SNTG1: variants seen among roughly 807,000 people sequenced by gnomAD.
SNTG1 encodes syntrophin gamma 1, also known as gamma-1-syntrophin.
Under a neutral mutation model 74.7 loss-of-function variants are expected in SNTG1, and 39 were observed. The observed-to-expected ratio is 0.52, with a 90% confidence interval of 0.40 to 0.68. The LOEUF (loss-of-function observed/expected upper bound fraction) is 0.68. Ranked by LOEUF, SNTG1 falls within the 30% of genes least tolerant of loss-of-function variation. SNTG1 has a pLI of 0.00. For missense variants in SNTG1, 685 were observed against 609.5 expected (o/e 1.12, Z -1.30); for synonymous variants, 254 against 217.1 (o/e 1.17, Z -1.49).
At chr8:50,437,126 G>A (rs2093312236) in intron 4 of SNTG1, among the ~76,000 whole-genome samples, 2 of 152,032 alleles carry the variant, frequency 1.3e-5, no homozygotes, top group Admixed American at 1.3e-4. Context: ...GATTATAAGA[G>A]TAACATAAGT....
At chr8:50,570,226 T>TTTTTA (rs1175368970) in intron 12 of SNTG1, among the ~76,000 whole-genome samples, 1,478 of 46,842 alleles carry the variant, frequency 0.032, 194 homozygotes, top group South Asian at 0.056. Context: ...GGTGGTTCTA[T>TTTTTA]TTTTATTTTA....
intron 1 of SNTG1, among the ~76,000 whole-genome samples, chr8:49,988,346 A>G (rs1813367593): frequency 6.6e-6 from 1 of 152,230 alleles, no homozygotes; most frequent in South Asian, 2.1e-4. Flanking sequence ...GATTTAGCAG[A>G]AGACTTCAAA....
intron 1 of SNTG1, among the ~76,000 whole-genome samples, chr8:49,991,257 A>G (rs1342385979): frequency 1.3e-5 from 2 of 152,098 alleles, no homozygotes; most frequent in East Asian, 3.9e-4. Context: ...TTTCATATAC[A>G]CTAGGATGCC....
chr8:50,641,170 T>C (rs1489325310), intron 13 of SNTG1, among the ~76,000 whole-genome samples: 1 of 152,180 alleles, frequency 6.6e-6, no homozygotes, highest in African/African-American at 2.4e-5. Context: ...ATCACTGACC[T>C]GAAGTACACG....
chr8:50,783,074 A>G (rs1355063392), intron 18 of SNTG1, among the ~76,000 whole-genome samples: 1 of 152,102 alleles, frequency 6.6e-6, no homozygotes, highest in Non-Finnish European at 1.5e-5. Context: ...GTTTTGTCTC[A>G]GAGGAGTACC....
chr8:50,377,704 T>C (rs2092412557), intron 2 of SNTG1, among the ~76,000 whole-genome samples: 1 of 152,180 alleles, frequency 6.6e-6, no homozygotes, highest in Non-Finnish European at 1.5e-5. Context: ...ACCTAAAGAA[T>C]TGACATAATT....
chr8:50,701,767 T>TTTC (rs2095426421), intron 15 of SNTG1, among the ~76,000 whole-genome samples: 1 of 150,040 alleles, frequency 6.7e-6, no homozygotes, highest in Non-Finnish European at 1.5e-5. Context: ...CTTCTTCTTC[T>TTTC]TCTTCTTTCT....
In SNTG1 at chr8:50,038,522, C is replaced by T. The variant is rs574128114; in HGVS notation, c.-103+126291C>T. 1.1e-3 allele frequency among the ~76,000 whole-genome samples: 165 copies of T among 152,244 alleles called. 3 individuals are homozygous for T. Among genetic ancestry groups the T allele is most frequent in the South Asian group, 7.3e-3 (35 of 4,824 alleles). On this transcript the variant is annotated intron_variant, in intron 1 of 18. Coordinates refer to ENST00000642720, the MANE Select transcript of SNTG1 (RefSeq NM_018967.5). ...GTCAAAGGTATTACTATATTGCATT[C>T]CTTTTATATTACTCTCATGGCAGGC...
chr8:50,644,982 G>A (rs994157185), intron 13 of SNTG1, among the ~76,000 whole-genome samples: 3 of 149,174 alleles, frequency 2.0e-5, no homozygotes, highest in Non-Finnish European at 4.4e-5. Flanking sequence ...TCTTAAACGC[G>A]TAGGCTCAAG....
At chr8:50,632,862 A>G (rs1351459436) in intron 13 of SNTG1, among the ~76,000 whole-genome samples, 2 of 152,168 alleles carry the variant, frequency 1.3e-5, no homozygotes, top group Non-Finnish European at 1.5e-5. Context: ...CAGCTGTGCC[A>G]TAATTAATAA....
In SNTG1 at chr8:49,951,873, C is replaced by CAAAAAAAAAAAA. The variant is rs5891338; in HGVS notation, c.-103+39662_-103+39673dup. Among the ~76,000 whole-genome samples, 86 of 56,296 alleles carry CAAAAAAAAAAAA rather than the reference C, an allele frequency of 1.5e-3. 1 individual carries two copies. Among genetic ancestry groups the CAAAAAAAAAAAA allele is most frequent in the Non-Finnish European group, 1.8e-3 (53 of 30,106 alleles). 36.9% of individuals were successfully genotyped at this position (56,296 alleles called of 152,430 possible). ...AACAGAAGGAAATCTGGAAAATTCA[C>CAAAAAAAAAAAA]AAAAAAAAAAAAAAAAAAAAAAAAA... is the stretch of plus-strand genomic sequence containing the variant. On this transcript the variant is annotated intron_variant, in intron 1 of 18. Coordinates refer to ENST00000642720, the MANE Select transcript of SNTG1 (RefSeq NM_018967.5).
At chr8:50,012,027 A>G (rs912641945) in intron 1 of SNTG1, among the ~76,000 whole-genome samples, 8 of 152,196 alleles carry the variant, frequency 5.3e-5, no homozygotes, top group Admixed American at 2.0e-4. Flanking sequence ...GGTAGAGTGA[A>G]TTCAGCTTTT....
chr8:50,277,810 G>T (rs945867140), intron 2 of SNTG1, among the ~76,000 whole-genome samples: 2 of 152,094 alleles, frequency 1.3e-5, no homozygotes, highest in African/African-American at 2.4e-5. Context: ...TTATTTACAT[G>T]TACTCATTAT....
intron 1 of SNTG1, among the ~76,000 whole-genome samples, chr8:49,976,897 G>T (rs1812244995): frequency 1.3e-5 from 2 of 152,190 alleles, no homozygotes; most frequent in African/African-American, 4.8e-5. Flanking sequence ...GCTACTATGT[G>T]CAGAAACGAA....
intron 13 of SNTG1, among the ~76,000 whole-genome samples, chr8:50,651,310 T>C (rs1318805401): frequency 6.6e-6 from 1 of 152,078 alleles, no homozygotes; most frequent in African/African-American, 2.4e-5. Context: ...AAATTCTTGA[T>C]CTAGATTCCT....
chr8:50,395,611 C>G (rs1352231764), intron 3 of SNTG1, among the ~76,000 whole-genome samples: 1 of 150,932 alleles, frequency 6.6e-6, no homozygotes, highest in Non-Finnish European at 1.5e-5. Flanking sequence ...TCATGCCATT[C>G]TCCAGCCTCA....
chr8:50,331,004 T>C (rs1358774482), intron 2 of SNTG1, among the ~76,000 whole-genome samples: 2 of 152,034 alleles, frequency 1.3e-5, no homozygotes, highest in African/African-American at 4.8e-5. Context: ...GATATAATTC[T>C]TTTTTTTGCT....
intron 11 of SNTG1, among the ~76,000 whole-genome samples, chr8:50,548,015 C>T (rs2094400013): frequency 1.3e-5 from 2 of 152,160 alleles, no homozygotes. Flanking sequence ...ATATGTAATA[C>T]CTGCTCCTGT....
intron 13 of SNTG1, among the ~76,000 whole-genome samples, chr8:50,622,976 T>A (rs1206276555): frequency 1.3e-5 from 2 of 152,142 alleles, no homozygotes; most frequent in Non-Finnish European, 2.9e-5. Context: ...AAATTTATTT[T>A]TAATGCACAG....
Sources: gnomAD v4.1 joint callset for allele counts (sites outside exome capture counted in the v4.1 genomes callset) on GRCh38, gnomAD v4.1.1 for gene constraint, MANE v1.5 for transcripts, NCBI Gene and HGNC (gene_info 2026-07-23, HGNC 2026-07-21) for gene names.